The following CUL2 variants were observed in gnomAD, a reference collection of about 807,000 sequenced individuals.
CUL2 encodes the protein cullin 2, also known as cullin-2.
A neutral mutation model predicts 110.2 loss-of-function variants in CUL2; 22 were observed. The ratio of observed to expected loss-of-function variants is 0.20; its 90% CI spans 0.14 to 0.28. The LOEUF (loss-of-function observed/expected upper bound fraction) is 0.28, where lower values mean the gene tolerates loss of function less well. Among genes scored for constraint, CUL2 ranks in the 10% least tolerant of loss-of-function variants. The pLI, the probability that CUL2 is intolerant of heterozygous loss-of-function variation, is 1.00. For synonymous variants in CUL2, 279 were observed against 293.2 expected, an observed-to-expected ratio of 0.95 and a Z score of 0.49; for missense variants, 631 against 905.5, an observed-to-expected ratio of 0.70 and a Z score of 3.89.
intron 1 of CUL2, chr10:35,074,237 G>C (rs1301430095): frequency 1.3e-6 from 2 of 1,534,296 alleles, no homozygotes; most frequent in Non-Finnish European, 1.7e-6. Flanking sequence ...AAAGTACAAA[G>C]TTTGTTGTTT....
chr10:35,054,568 ATTAAG>A, intron 4 of CUL2, 29 bp from the exon 5 acceptor site: 1 of 1,271,564 alleles, frequency 7.9e-7, no homozygotes, highest in Non-Finnish European at 1.1e-6. Flanking sequence ...ATCAATGGAT[ATTAAG>A]TTAAAGTCAG....
chr10:35,100,618 T>C (rs2087363213), intron 2 of CUL2, among the ~76,000 whole-genome samples: 1 of 151,826 alleles, frequency 6.6e-6, no homozygotes, highest in African/African-American at 2.4e-5. Flanking sequence ...AAAAATTAAC[T>C]GGGCATGGTG....
intron 9 of CUL2, among the ~76,000 whole-genome samples, chr10:35,035,980 G>C: frequency 6.6e-6 from 1 of 152,160 alleles, no homozygotes; most frequent in South Asian, 2.1e-4. Context: ...TACATATACA[G>C]AAAAGTATAC....
chr10:35,091,267 A>G (rs114103183), upstream of CUL2, among the ~76,000 whole-genome samples: 206 of 152,228 alleles, frequency 1.4e-3, no homozygotes, highest in African/African-American at 4.6e-3. Flanking sequence ...TTGTTCATTT[A>G]TACGATTCAG....
At position 35,031,730 on chromosome 10, in the gene CUL2, GT is replaced by G; in HGVS notation, c.1171-112del. ...AAGATCAGCGGACAGAATTTTTGCT[GT>G]TTTTTTTAGAGACCGGGTCTTGCTC... is the stretch of plus-strand genomic sequence containing the variant. On this transcript the variant is annotated intron_variant, in intron 12 of 20. Coordinates refer to ENST00000374749, the MANE Select transcript of CUL2 (RefSeq NM_003591.4). This position sits in a 1 kb window ranked among gnomAD's most constrained non-coding sequence, Gnocchi z 4.4. 6.7e-5 allele frequency: 77 copies of G among 1,146,564 alleles called. No individual in the cohort carries two copies. Among genetic ancestry groups the G allele is most frequent in the Non-Finnish European group, 8.6e-5 (69 of 800,752 alleles). The allele number at this position is 1,146,564 out of a possible 1,614,324, so 71.0% of individuals were successfully genotyped here. A position where few individuals can be genotyped will look rare whatever the true frequency, so the allele number is the denominator to read the frequency against.
intron 1 of CUL2, among the ~76,000 whole-genome samples, chr10:35,110,630 C>A (rs910481692): frequency 6.6e-6 from 1 of 152,088 alleles, no homozygotes; most frequent in African/African-American, 2.4e-5. Context: ...AGTCCAAGAT[C>A]AAGATGCTGG....
At chr10:35,121,211 C>T (rs183297810) in intron 1 of CUL2, among the ~76,000 whole-genome samples, 166 of 152,114 alleles carry the variant, frequency 1.1e-3, no homozygotes, top group African/African-American at 3.8e-3. Context: ...ATATTCTGGC[C>T]GGAAGATAGG....
At chr10:35,105,549 T>A (rs2087443853) in intron 1 of CUL2, among the ~76,000 whole-genome samples, 1 of 149,758 alleles carries the variant, frequency 6.7e-6, no homozygotes, top group African/African-American at 2.5e-5. Context: ...ACTAAAAAAA[T>A]ACAAAAAAAT....
At chr10:35,010,527 CAAATGTA>C in intron 20 of CUL2, 85 bp from the exon 21 acceptor site, 2 of 1,339,522 alleles carry the variant, frequency 1.5e-6, no homozygotes, top group Non-Finnish European at 2.0e-6. Context: ...TAAAGTGCCT[CAAATGTA>C]CTGAGGTTTC....
chr10:35,028,024 C>T (rs1389613170), intron 16 of CUL2, among the ~76,000 whole-genome samples: 1 of 152,154 alleles, frequency 6.6e-6, no homozygotes, highest in East Asian at 1.9e-4. Flanking sequence ...ATCAGGGACA[C>T]ATGATATTTA....
In CUL2 at chr10:35,020,462, G is replaced by A. The variant is rs374532708; in HGVS notation, c.1685-4068C>T. On this transcript the variant is annotated intron_variant, in intron 17 of 20. Coordinates refer to ENST00000374749, the MANE Select transcript of CUL2 (RefSeq NM_003591.4). ...CAGGACAAATTTAGTCAATAGAATCGTTATCTTTTAAGGTATGCACAATGA... is the reference window on the plus strand; with the variant it reads ...CAGGACAAATTTAGTCAATAGAATCATTATCTTTTAAGGTATGCACAATGA... 1.2e-4 allele frequency among the ~76,000 whole-genome samples: 19 copies of A among 152,280 alleles called. No homozygotes were observed. The East Asian group carries it at 3.1e-3, about 25-fold the overall frequency.
intron 6 of CUL2, among the ~76,000 whole-genome samples, chr10:35,047,958 C>G (rs1413736746): frequency 6.6e-6 from 1 of 151,652 alleles, no homozygotes; most frequent in East Asian, 1.9e-4. Flanking sequence ...TTAGATTAGC[C>G]CAGATGTGAA....
At chr10:35,026,793 T>C (rs2085345836) in intron 16 of CUL2, among the ~76,000 whole-genome samples, 4 of 152,192 alleles carry the variant, frequency 2.6e-5, no homozygotes, top group Admixed American at 2.6e-4. Context: ...CAAAGCTTAT[T>C]AGTAAAAAAT....
At chr10:35,070,326 T>A (rs1241755429) in intron 2 of CUL2, among the ~76,000 whole-genome samples, 1 of 152,228 alleles carries the variant, frequency 6.6e-6, no homozygotes, top group African/African-American at 2.4e-5. Flanking sequence ...TAAATGGTTT[T>A]CTGTTGGTCT....
intron 1 of CUL2, among the ~76,000 whole-genome samples, chr10:35,086,158 C>T (rs1764440915): frequency 1.3e-5 from 2 of 151,718 alleles, no homozygotes. Flanking sequence ...GAGATTGAGC[C>T]CCTGCACTCC....
chr10:35,067,124 A>G (rs1329158390), intron 2 of CUL2, among the ~76,000 whole-genome samples: 1 of 145,146 alleles, frequency 6.9e-6, no homozygotes, highest in Non-Finnish European at 1.5e-5. Context: ...GGGCAACAAG[A>G]GCAAAACTCC....
upstream of CUL2, among the ~76,000 whole-genome samples, chr10:35,091,983 C>T (rs1409809553): frequency 2.6e-5 from 4 of 152,116 alleles, no homozygotes; most frequent in African/African-American, 9.7e-5. Flanking sequence ...CTCCCTCTGT[C>T]GCTGAGGCTG....
At chr10:35,085,255 C>T (rs192392589) in intron 1 of CUL2, among the ~76,000 whole-genome samples, 65 of 151,504 alleles carry the variant, frequency 4.3e-4, no homozygotes, top group Admixed American at 8.6e-4. Context: ...AGTGAAACCC[C>T]GTCTCTACTA....
At chr10:35,025,407 GACA>G (rs1439777897) in intron 16 of CUL2, among the ~76,000 whole-genome samples, 2 of 152,106 alleles carry the variant, frequency 1.3e-5, no homozygotes, top group Non-Finnish European at 2.9e-5. Context: ...TCTTTTAATT[GACA>G]ACTTGTTCTA....
Sources: allele counts gnomAD v4.1 joint callset (sites outside exome capture counted in the v4.1 genomes callset), GRCh38; gene constraint gnomAD v4.1.1; non-coding constraint Gnocchi (gnomAD v3.1); transcripts MANE v1.5; gene names NCBI Gene and HGNC (gene_info 2026-07-23, HGNC 2026-07-21).